DARS1: variants seen among roughly 807,000 people sequenced by gnomAD.
The protein encoded by DARS1 is aspartyl-tRNA synthetase 1.
Under a neutral mutation model 68.8 loss-of-function variants are expected in DARS1, and 51 were observed. That is an observed-to-expected ratio of 0.74 (90% CI 0.59 to 0.94). DARS1 has a LOEUF of 0.94. DARS1 is among the 40% of genes least tolerant of loss of function. The probability of loss-of-function intolerance (pLI) is 0.00; values close to 1 mark genes in which losing one functional copy is unlikely to be tolerated. For synonymous variants in DARS1, 203 were observed against 190.4 expected (o/e 1.07, Z -0.55); for missense variants, 607 against 597.3 (o/e 1.02, Z -0.17).
intron 3 of DARS1, among the ~76,000 whole-genome samples, chr2:135,961,939 T>C (rs1272597636): frequency 6.6e-6 from 1 of 152,226 alleles, no homozygotes; most frequent in Non-Finnish European, 1.5e-5. Context: ...AACACAGTGC[T>C]TAAAAACAAG....
chr2:135,924,531 A>G, intron 7 of DARS1, 33 bp from the exon 8 acceptor site: 1 of 1,585,682 alleles, frequency 6.3e-7, no homozygotes, highest in Admixed American at 1.9e-5. Context: ...AATTAAATCA[A>G]CGTACTTAAT....
chr2:135,958,423 C>A (rs1682025153), intron 4 of DARS1, among the ~76,000 whole-genome samples: 1 of 152,154 alleles, frequency 6.6e-6, no homozygotes, highest in Non-Finnish European at 1.5e-5. Context: ...ACACAGTTAA[C>A]AATTTTTAGG....
At chr2:135,924,742 T>C (rs1282619388) in intron 7 of DARS1, among the ~76,000 whole-genome samples, 2 of 152,178 alleles carry the variant, frequency 1.3e-5, no homozygotes, top group South Asian at 2.1e-4. Flanking sequence ...ATGTTTTAAT[T>C]TGTAGGAATT....
chr2:135,922,970 C>T lies in DARS1; in HGVS notation c.677-52G>A, dbSNP rs1009131386. ...TTATTATAATCAATTGTAAACTTAT[C>T]AATGCAAACCTCTAGTTAAAAAGTT... On this transcript the variant is annotated intron_variant, in intron 8 of 15. Coordinates refer to ENST00000264161, the MANE Select transcript of DARS1 (RefSeq NM_001349.4). The T allele has an allele frequency of 5.2e-6, 7 of 1,357,990 alleles. No individual in the cohort carries two copies. The African/African-American group carries it at 1.1e-4, about 21-fold the overall frequency. 84.1% of individuals were successfully genotyped at this position (1,357,990 alleles called of 1,614,324 possible).
intron 10 of DARS1, 96 bp from the exon 11 acceptor site, chr2:135,916,468 C>A: frequency 1.5e-6 from 1 of 654,782 alleles, no homozygotes; most frequent in Non-Finnish European, 2.8e-6. Context: ...ATCTTTGAAT[C>A]AGTATATACA....
intron 15 of DARS1, among the ~76,000 whole-genome samples, chr2:135,909,459 T>C (rs1680853640): frequency 6.6e-6 from 1 of 152,196 alleles, no homozygotes; most frequent in Non-Finnish European, 1.5e-5. Context: ...AACATATCTA[T>C]CATCTTGCAT....
chr2:135,914,242 T>A (rs1575382524), intron 12 of DARS1, among the ~76,000 whole-genome samples: 1 of 152,194 alleles, frequency 6.6e-6, no homozygotes, highest in Non-Finnish European at 1.5e-5. Context: ...AACAACTTCG[T>A]AAAAATATTA....
intron 5 of DARS1, among the ~76,000 whole-genome samples, chr2:135,940,906 C>T (rs1411817883): frequency 6.6e-6 from 1 of 152,158 alleles, no homozygotes; most frequent in Non-Finnish European, 1.5e-5. Flanking sequence ...AACTCCCATT[C>T]ACAATTGCTT....
At chr2:135,915,412 G>A (rs1183211403) in intron 11 of DARS1, among the ~76,000 whole-genome samples, 2 of 152,012 alleles carry the variant, frequency 1.3e-5, no homozygotes, top group Non-Finnish European at 2.9e-5. Context: ...TCAGCCTCTG[G>A]AGTAGTTGGG....
At chr2:135,931,030 AG>A (rs1370566630) in intron 7 of DARS1, among the ~76,000 whole-genome samples, 2 of 152,254 alleles carry the variant, frequency 1.3e-5, no homozygotes, top group East Asian at 3.8e-4. Flanking sequence ...ATTTTTAATC[AG>A]GGCACCTGCC....
intron 4 of DARS1, among the ~76,000 whole-genome samples, chr2:135,960,057 GACTTCATAGGATACAC>G (rs1682067355): frequency 6.6e-6 from 1 of 151,972 alleles, no homozygotes; most frequent in Non-Finnish European, 1.5e-5. Flanking sequence ...ATTTATGTTT[GACTTCATAGGATACAC>G]ACTAACCTTA....
chr2:135,929,194 G>A (rs932038606), intron 7 of DARS1, among the ~76,000 whole-genome samples: 1 of 152,122 alleles, frequency 6.6e-6, no homozygotes, highest in Non-Finnish European at 1.5e-5. Flanking sequence ...CAACAGTTAT[G>A]ACATCCCTGA....
chr2:135,918,491 T>C (rs1206948033), intron 10 of DARS1, among the ~76,000 whole-genome samples: 1 of 152,152 alleles, frequency 6.6e-6, no homozygotes, highest in Non-Finnish European at 1.5e-5. Flanking sequence ...AAACAAGCCC[T>C]GACACCAAAA....
At position 135,938,195 on chromosome 2, in the gene DARS1, T is replaced by G. The variant is rs139063065; in HGVS notation, c.424-4205A>C. Among the ~76,000 whole-genome samples the G allele has an allele frequency of 1.9e-3, 294 of 152,350 alleles. 2 individuals carry two copies. Among genetic ancestry groups the G allele is most frequent in the African/African-American group, 6.7e-3 (279 of 41,588 alleles). On this transcript the variant is annotated intron_variant, in intron 5 of 15. Coordinates refer to ENST00000264161, the MANE Select transcript of DARS1 (RefSeq NM_001349.4). Reference sequence around the variant, plus strand: ...GGAGGCTTTGTTCGTTTCTTTTTACTCTTTTTTCTCTAAACTTCTCTTCTT... The same window carrying G: ...GGAGGCTTTGTTCGTTTCTTTTTACGCTTTTTTCTCTAAACTTCTCTTCTT...
rs2104833957 is a variant in DARS1, at chr2:135,961,387, C to G, written c.320+9G>C. 1 of 1,165,406 alleles carries G rather than the reference C, an allele frequency of 8.6e-7. No homozygotes were observed. The highest frequency in any genetic ancestry group is 1.3e-6 in the Non-Finnish European group (1 of 769,426). The allele number at this position is 1,165,406 out of a possible 1,614,324, so 72.2% of individuals were successfully genotyped here. A position where few individuals can be genotyped will look rare whatever the true frequency, so the allele number is the denominator to read the frequency against. On this transcript the variant is annotated intron_variant, in intron 4 of 15. Coordinates refer to ENST00000264161, the MANE Select transcript of DARS1 (RefSeq NM_001349.4). ...TTATTCTGACAACAGGATATAATTGCTTACTTACTTGGCAGCAAATTTAAC... is the reference window on the plus strand; with the variant it reads ...TTATTCTGACAACAGGATATAATTGGTTACTTACTTGGCAGCAAATTTAAC...
chr2:135,958,707 T>C (rs980396846), intron 4 of DARS1, among the ~76,000 whole-genome samples: 1 of 152,210 alleles, frequency 6.6e-6, no homozygotes, highest in African/African-American at 2.4e-5. Context: ...ATAAGAATTT[T>C]CCTTTTTCGC....
At chr2:135,961,533 G>T (rs1316839505) in intron 3 of DARS1, 35 bp from the exon 4 acceptor site, 2 of 1,003,022 alleles carry the variant, frequency 2.0e-6, no homozygotes, top group Admixed American at 3.4e-5. Flanking sequence ...ATGTATTAAG[G>T]ACACGCAACT....
At chr2:135,971,711 C>G (rs1682374418) in intron 3 of DARS1, among the ~76,000 whole-genome samples, 1 of 152,032 alleles carries the variant, frequency 6.6e-6, no homozygotes, top group African/African-American at 2.4e-5. Flanking sequence ...CCAGCAAAAC[C>G]TATCAGAACG....
intron 3 of DARS1, among the ~76,000 whole-genome samples, chr2:135,969,063 T>A (rs562117710): frequency 9.9e-5 from 15 of 152,036 alleles, no homozygotes; most frequent in Non-Finnish European, 2.1e-4. Flanking sequence ...TATATTTGAA[T>A]ACAACCTCTT....
Sources: gnomAD v4.1 joint callset for allele counts (sites outside exome capture counted in the v4.1 genomes callset) on GRCh38, gnomAD v4.1.1 for gene constraint, MANE v1.5 for transcripts, NCBI Gene and HGNC (gene_info 2026-07-23, HGNC 2026-07-21) for gene names.